The following MATN1 variants were observed in gnomAD, a reference collection of about 807,000 sequenced individuals.
MATN1 encodes the protein matrilin 1.
In MATN1, 34 loss-of-function variants were observed where a neutral mutation model predicts 41.3. That is an observed-to-expected ratio of 0.82 (90% CI 0.63 to 1.10). MATN1 has a LOEUF of 1.10. MATN1 is among the 50% of genes least tolerant of loss of function. MATN1 has a pLI of 0.00. For synonymous variants in MATN1, 264 were observed against 278.7 expected, an observed-to-expected ratio of 0.95 and a Z score of 0.53; for missense variants, 602 against 662.4, an observed-to-expected ratio of 0.91 and a Z score of 1.00.
chr1:30,716,776 T>C lies in MATN1; in HGVS notation c.790+14A>G. 2 of 1,613,092 alleles carry C rather than the reference T, an allele frequency of 1.2e-6. No individual in the cohort carries two copies. The highest frequency in any genetic ancestry group is 1.7e-6 in the Non-Finnish European group (2 of 1,179,630). ...ACACCCTCTCCAGGGCGAGCCTGTGTCCACCCCACTGACCATTGCAGGTCT... is the reference window on the plus strand; with the variant it reads ...ACACCCTCTCCAGGGCGAGCCTGTGCCCACCCCACTGACCATTGCAGGTCT... On this transcript the variant is annotated intron_variant, in intron 4 of 7. Coordinates refer to ENST00000373765, the MANE Select transcript of MATN1 (RefSeq NM_002379.3).
chr1:30,714,170 A>G, intron 7 of MATN1, 77 bp downstream of exon 7: 1 of 1,222,644 alleles, frequency 8.2e-7, no homozygotes, highest in Non-Finnish European at 1.2e-6. Flanking sequence ...AACTGACCAC[A>G]CTTGGGCCAT....
rs750599183 is a variant in MATN1, at chr1:30,723,513, G to T, written c.39C>A (p.Ser13Arg). 6 of 1,535,298 alleles carry T rather than the reference G, an allele frequency of 3.9e-6. No individual in the cohort carries two copies. The South Asian group carries it at 7.4e-5, about 19-fold the overall frequency. ...VLSGTSLMLC[S>R]LLLLLQALCS... ...ACAGGGCCTGGAGCAGCAGCAGCAG[G>T]CTGCAGAGCATGAGGCTAGTGCCAG... The change falls in exon 1 of 8, where the codon AGC becomes AGA. Residue 13 changes from serine (S) to arginine (R), a missense_variant. Coordinates refer to ENST00000373765, the MANE Select transcript of MATN1 (RefSeq NM_002379.3).
At chr1:30,714,157 C>A (rs987354341) in intron 7 of MATN1, 90 bp downstream of exon 7, 1 of 1,089,378 alleles carries the variant, frequency 9.2e-7, no homozygotes, top group Non-Finnish European at 1.4e-6. Flanking sequence ...GAGAAGCCTG[C>A]CCAACTGACC....
rs1639579502 is a variant in MATN1, at chr1:30,713,490, C to T, written c.*92G>A. On this transcript the variant is annotated 3_prime_UTR_variant, in exon 8 of 8. Transcript: ENST00000373765. ...TAGGCACACCCAGACACACCCCCTC[C>T]CACCCCCGGGCTGGCTTCCCTCACT... 45 of 1,328,692 alleles carry T rather than the reference C, an allele frequency of 3.4e-5. No homozygotes were observed. The highest frequency in any genetic ancestry group is 4.7e-5 in the Non-Finnish European group (44 of 944,696). 82.3% of individuals were successfully genotyped at this position (1,328,692 alleles called of 1,614,324 possible).
At chr1:30,715,738 T>A (rs1371423170) in intron 5 of MATN1, among the ~76,000 whole-genome samples, 171 bp downstream of exon 5, 2 of 152,186 alleles carry the variant, frequency 1.3e-5, no homozygotes, top group South Asian at 4.1e-4. Context: ...TTCTGGGGCC[T>A]CAATTTTGTC....
chr1:30,716,389 G>C, intron 4 of MATN1, 64 bp from the exon 5 acceptor site: 1 of 1,508,802 alleles, frequency 6.6e-7, no homozygotes, highest in African/African-American at 1.4e-5. Context: ...CTGCTCCCCG[G>C]CTGGACACCC....
chr1:30,716,377 T>C, intron 4 of MATN1, 52 bp from the exon 5 acceptor site: 1 of 1,563,724 alleles, frequency 6.4e-7, no homozygotes, highest in South Asian at 1.2e-5. Context: ...TAGTCAACCA[T>C]CCTGCTCCCC....
chr1:30,723,474 GAGGCCAGGGCTGCAC>G lies in MATN1; in HGVS notation c.63_77del (p.Cys22_Leu26del). 1 of 1,522,250 alleles carries G rather than the reference GAGGCCAGGGCTGCAC, an allele frequency of 6.6e-7. No individual in the cohort carries two copies. The allele number at this position is 1,522,250 out of a possible 1,614,324, so 94.3% of individuals were successfully genotyped here. A position where few individuals can be genotyped will look rare whatever the true frequency, so the allele number is the denominator to read the frequency against. On this transcript the variant is annotated inframe_deletion, in exon 1 of 8. Transcript: ENST00000373765. The stretch of plus-strand genomic sequence containing the variant: ...CCCCCTCACCTCTGGACTGGGGGGC[GAGGCCAGGGCTGCAC>G]AGGGCCTGGAGCAGCAGCAGCAGGC...
chr1:30,721,824 T>C (rs2124161084), intron 1 of MATN1, 73 bp from the exon 2 acceptor site: 2 of 1,286,216 alleles, frequency 1.6e-6, no homozygotes, highest in Non-Finnish European at 2.2e-6. Flanking sequence ...ACACACAGAG[T>C]GCGGCTTCTT....
Position 30,713,610 on chromosome 1 carries a change from A to G in MATN1, c.1463T>C (p.Leu488Pro). 3.2e-6 allele frequency: 5 copies of G among 1,554,012 alleles called. No individual in the cohort carries two copies. The highest frequency in any genetic ancestry group is 4.4e-6 in the Non-Finnish European group (5 of 1,147,952). The stretch of plus-strand genomic sequence containing the variant: ...GACAACTGTGTTCTCCAGGATGGCC[A>G]GCCGCTTACTCACAGCTTCCAGTGG... ...TRKLEAVSKRLAILENTVV is the reference protein window; with the variant it reads ...TRKLEAVSKRPAILENTVV The change falls in exon 8 of 8, where the codon CTG becomes CCG. Residue 488 changes from leucine (L) to proline (P), a missense_variant. Leu to Pro is a moderately conservative substitution (Grantham distance 98). Transcript: ENST00000373765.
At chr1:30,722,866 G>A (rs1639714232) in intron 1 of MATN1, among the ~76,000 whole-genome samples, 1 of 152,136 alleles carries the variant, frequency 6.6e-6, no homozygotes, top group African/African-American at 2.4e-5. Context: ...GCTACAAATG[G>A]GTAAACTGAG....
Position 30,713,563 on chromosome 1 carries a change from A to G in MATN1, c.*19T>C. On this transcript the variant is annotated 3_prime_UTR_variant, in exon 8 of 8. Transcript: ENST00000373765. The stretch of plus-strand genomic sequence containing the variant: ...CACGTGCAGGACGCTTGGAGAGGCC[A>G]CAGTGGTGACAGGCAGCCTTAGACA... The G allele has an allele frequency of 6.4e-7, 1 of 1,552,670 alleles. No homozygotes were observed. The highest frequency in any genetic ancestry group is 8.7e-7 in the Non-Finnish European group (1 of 1,147,364).
At position 30,711,431 on chromosome 1, in the gene MATN1, G is replaced by A. The variant is rs1308348066; in HGVS notation, c.*2151C>T. 1 of 152,224 alleles carries A rather than the reference G, an allele frequency of 6.6e-6. No individual in the cohort carries two copies. Among genetic ancestry groups the A allele is most frequent in the African/African-American group, 2.4e-5 (1 of 41,434 alleles). The allele number at this position is 152,224 out of a possible 1,614,324, so 9.4% of individuals were successfully genotyped here. The stretch of plus-strand genomic sequence containing the variant: ...AATCAAACCTAGAGCAGAGAGGGAT[G>A]TGGGAAGTCCATGGAGAGGACGGAT... On this transcript the variant is annotated 3_prime_UTR_variant, in exon 8 of 8. Transcript: ENST00000373765.
At chr1:30,715,612 C>T (rs1639606860) in intron 5 of MATN1, among the ~76,000 whole-genome samples, 1 of 152,190 alleles carries the variant, frequency 6.6e-6, no homozygotes, top group Non-Finnish European at 1.5e-5. Flanking sequence ...AAAACAGACT[C>T]GGGCTTGTTC....
intron 1 of MATN1, among the ~76,000 whole-genome samples, chr1:30,722,747 C>T (rs947543712): frequency 6.6e-6 from 1 of 152,204 alleles, no homozygotes; most frequent in African/African-American, 2.4e-5. Context: ...TCCCAACCCC[C>T]AAGTCACAGT....
At position 30,714,307 on chromosome 1, in the gene MATN1, C is replaced by G; in HGVS notation, c.1381G>C (p.Glu461Gln). ...TTGGCTTGGAATTTCACCAGGGACT[C>G]GCAGGCACACGGGTCTTCCTCTGCA... Reference protein sequence around the residue: ...ICVEEDPCACESLVKFQAKVE... With the variant: ...ICVEEDPCACQSLVKFQAKVE... The change falls in exon 7 of 8, where the codon GAG becomes CAG. Residue 461 changes from glutamate to glutamine, a missense_variant. Glu to Gln is a conservative substitution (Grantham distance 29). Transcript: ENST00000373765. 1 of 1,610,646 alleles carries G rather than the reference C, an allele frequency of 6.2e-7. No individual in the cohort carries two copies. The highest frequency in any genetic ancestry group is 8.5e-7 in the Non-Finnish European group (1 of 1,178,540).
At position 30,714,246 on chromosome 1, in the gene MATN1, T is replaced by C; in HGVS notation, c.1441+1A>G. On this transcript the variant is annotated splice_donor_variant, in intron 7 of 7. Coordinates refer to ENST00000373765, the MANE Select transcript of MATN1 (RefSeq NM_002379.3). LOFTEE classifies it high-confidence loss of function. ...CCCCAGCCCCCTCTGGGAAGGGATA[T>C]GTTTCCTGGTCAGGGCCTGCAGCAG... 1 of 1,601,722 alleles carries C rather than the reference T, an allele frequency of 6.2e-7. No homozygotes were observed. The highest frequency in any genetic ancestry group is 8.5e-7 in the Non-Finnish European group (1 of 1,173,864).
chr1:30,714,341 G>A lies in MATN1; in HGVS notation c.1361-14C>T. The A allele has an allele frequency of 6.2e-7, 1 of 1,602,082 alleles. No individual in the cohort carries two copies. The highest frequency in any genetic ancestry group is 8.5e-7 in the Non-Finnish European group (1 of 1,172,904). ...ACGGGTCTTCCTCTGCAGGGGACAA[G>A]GAGGAGGGAAAGAGAAAGGAACTGT... is the stretch of plus-strand genomic sequence containing the variant. On this transcript the variant is annotated splice_polypyrimidine_tract_variant and intron_variant, in intron 6 of 7. Transcript: ENST00000373765.
chr1:30,719,076 CG>C (rs1279763012), intron 2 of MATN1, 119 bp from the exon 3 acceptor site: 7 of 760,278 alleles, frequency 9.2e-6, no homozygotes, highest in South Asian at 2.4e-5. Flanking sequence ...AGGCGGCACC[CG>C]GGGGAAGAGG....
Sources: allele counts gnomAD v4.1 joint callset (sites outside exome capture counted in the v4.1 genomes callset), GRCh38; gene constraint gnomAD v4.1.1; transcripts MANE v1.5; gene names NCBI Gene and HGNC (gene_info 2026-07-23, HGNC 2026-07-21).